The following MAPT variants were observed in gnomAD, a reference collection of about 807,000 sequenced individuals.
MAPT encodes the protein microtubule-associated protein tau.
A neutral mutation model predicts 67.9 loss-of-function variants in MAPT; 34 were observed. That is an observed-to-expected ratio of 0.50 (90% CI 0.38 to 0.67). The LOEUF is 0.67. MAPT is among the 30% of genes least tolerant of loss of function. MAPT has a pLI of 0.00. For synonymous variants in MAPT, 456 were observed against 464.5 expected (o/e 0.98, Z 0.23); for missense variants, 881 against 1,115.2 (o/e 0.79, Z 2.99).
At chr17:45,925,904 A>G (rs555304242) in intron 1 of MAPT, among the ~76,000 whole-genome samples, 3 of 152,290 alleles carry the variant, frequency 2.0e-5, no homozygotes, top group African/African-American at 4.8e-5. Flanking sequence ...TTTAAGTTTA[A>G]AATTGGAGCT....
chr17:45,916,617 C>T (rs983722918), intron 1 of MAPT, among the ~76,000 whole-genome samples: 2 of 152,168 alleles, frequency 1.3e-5, no homozygotes, highest in Non-Finnish European at 2.9e-5. Flanking sequence ...TGTGTGACAG[C>T]CTTCAGTGGA....
intron 3 of MAPT, chr17:45,973,975 C>G (rs2072018600): frequency 5.1e-6 from 1 of 197,392 alleles, no homozygotes; most frequent in African/African-American, 2.3e-5. Context: ...AGGACTTGCC[C>G]AAAGCCTCAC....
intron 1 of MAPT, among the ~76,000 whole-genome samples, chr17:45,950,930 T>G (rs934283458): frequency 1.3e-5 from 2 of 152,224 alleles, no homozygotes; most frequent in African/African-American, 4.8e-5. Context: ...CCGGAAGTGC[T>G]GGGATTTCAG....
chr17:45,913,013 G>A (rs1317299314), intron 1 of MAPT, among the ~76,000 whole-genome samples: 1 of 152,248 alleles, frequency 6.6e-6, no homozygotes, highest in East Asian at 1.9e-4. Flanking sequence ...CTACAAAACA[G>A]AAGCTATGTG....
intron 1 of MAPT, among the ~76,000 whole-genome samples, chr17:45,905,122 G>T (rs1370369531): frequency 6.6e-6 from 1 of 152,158 alleles, no homozygotes; most frequent in East Asian, 1.9e-4. Flanking sequence ...CTCTGCTGCT[G>T]GTCCCCATGA....
intron 4 of MAPT, 121 bp from the exon 5 acceptor site, chr17:45,982,745 T>C: frequency 3.1e-6 from 1 of 320,124 alleles, no homozygotes; most frequent in Non-Finnish European, 4.7e-6. Flanking sequence ...TGTGCTCCCA[T>C]CTCTTTGTTA....
In MAPT at chr17:45,973,173, C is replaced by T. The variant is rs942500714; in HGVS notation, c.220+1228C>T. 3 of 152,164 alleles carry T rather than the reference C, an allele frequency of 2.0e-5. No individual in the cohort carries two copies. In the South Asian group the frequency reaches 6.2e-4, roughly 32 times the overall value. 9.4% of individuals were successfully genotyped at this position (152,164 alleles called of 1,614,324 possible). A position where few individuals can be genotyped will look rare whatever the true frequency, so the allele number is the denominator to read the frequency against. On this transcript the variant is annotated intron_variant, in intron 3 of 12. Coordinates refer to ENST00000262410, the MANE Select transcript of MAPT (RefSeq NM_001377265.1). ...ATTTGGAAAATGGCTGTCAAGTGCC[C>T]GCCTCTTGCTTGGTATAATGCTACA...
chr17:45,938,219 G>A (rs922277665), intron 1 of MAPT, among the ~76,000 whole-genome samples: 2 of 152,232 alleles, frequency 1.3e-5, no homozygotes, highest in Admixed American at 6.5e-5. Flanking sequence ...CTGAAATCAA[G>A]GTTTTGGCAA....
chr17:46,001,179 T>C (rs1193770384), intron 9 of MAPT, among the ~76,000 whole-genome samples: 2 of 151,990 alleles, frequency 1.3e-5, no homozygotes, highest in Admixed American at 6.6e-5. Context: ...CAATGAGCCA[T>C]GTTCACACCA....
chr17:45,953,404 T>C (rs2069282730), intron 1 of MAPT, among the ~76,000 whole-genome samples: 1 of 152,224 alleles, frequency 6.6e-6, no homozygotes, highest in African/African-American at 2.4e-5. Flanking sequence ...GCCAATGCAG[T>C]GCAGTGACTC....
Position 46,024,732 on chromosome 17 carries a change from G to T in MAPT, c.*561G>T, listed in dbSNP as rs892029960. ...GGGAGGCCGAGGCAGGGGCTGGGCA[G>T]AGGGGAGAGGAAGCACAAGAAGTGG... On this transcript the variant is annotated 3_prime_UTR_variant, in exon 13 of 13. Transcript: ENST00000262410. The T allele has an allele frequency of 3.7e-5, 7 of 188,868 alleles. No individual in the cohort carries two copies. In the Admixed American group the frequency reaches 3.7e-4, roughly 10 times the overall value. The allele number at this position is 188,868 out of a possible 1,614,324, so 11.7% of individuals were successfully genotyped here.
At chr17:45,894,849 C>T (rs1288319943) in intron 1 of MAPT, 163 bp downstream of exon 1, 1 of 152,000 alleles carries the variant, frequency 6.6e-6, no homozygotes, top group African/African-American at 2.4e-5. Context: ...GGGCTGGGGC[C>T]AGGGCGGCCT....
chr17:45,974,626 G>C (rs2072125071), intron 3 of MAPT: 3 of 644,326 alleles, frequency 4.7e-6, no homozygotes, highest in Middle Eastern at 4.2e-4. Flanking sequence ...GTTGTGAGTA[G>C]CTCGATGCCT....
chr17:45,941,701 G>GCCTTCCTTCCTTCCTGCCTT (rs1555690435), intron 1 of MAPT, among the ~76,000 whole-genome samples: 1 of 73,466 alleles, frequency 1.4e-5, no homozygotes, highest in African/African-American at 6.5e-5. Flanking sequence ...CTTCCTTCCT[G>GCCTTCCTTCCTTCCTGCCTT]CCTGCCTTCC....
intron 10 of MAPT, among the ~76,000 whole-genome samples, chr17:46,013,266 C>T (rs554284761): frequency 2.0e-4 from 30 of 152,304 alleles, no homozygotes; most frequent in Middle Eastern, 6.8e-3. Context: ...GCCCTGGGGA[C>T]TCCAGGAATG....
chr17:45,996,325 G>A lies in MAPT; in HGVS notation c.1733-74G>A, dbSNP rs552326322. ...GGTGAGCCTGGGAATGGACCCACGG[G>A]ACAGGCAGCCCCCAGGGCCTTTTCT... On this transcript the variant is annotated intron_variant, in intron 8 of 12. Transcript: ENST00000262410. The surrounding 1 kb of genome is among the most constrained non-coding windows in gnomAD (Gnocchi z 4.5). The A allele has an allele frequency of 3.9e-6, 6 of 1,548,926 alleles. No homozygotes were observed. The East Asian group carries it at 1.1e-4, about 29-fold the overall frequency.
intron 1 of MAPT, among the ~76,000 whole-genome samples, chr17:45,925,805 T>G (rs988608730): frequency 6.6e-6 from 1 of 152,226 alleles, no homozygotes; most frequent in African/African-American, 2.4e-5. Flanking sequence ...TCTCTGGTGG[T>G]AGGATTATGA....
chr17:45,987,158 G>A (rs2073633384), intron 6 of MAPT, 63 bp downstream of exon 6: 1 of 1,448,046 alleles, frequency 6.9e-7, no homozygotes, highest in African/African-American at 1.4e-5. Flanking sequence ...TGTGCTTTAT[G>A]TCTGATTCAT....
chr17:45,941,057 A>G (rs2067804426), intron 1 of MAPT, among the ~76,000 whole-genome samples: 1 of 152,142 alleles, frequency 6.6e-6, no homozygotes, highest in Admixed American at 6.5e-5. Flanking sequence ...TCCTTGTTCT[A>G]GCCAGCCAGA....
Sources: gnomAD v4.1 joint callset for allele counts (sites outside exome capture counted in the v4.1 genomes callset) on GRCh38, gnomAD v4.1.1 for gene constraint, Gnocchi (gnomAD v3.1) non-coding constraint, MANE v1.5 for transcripts, NCBI Gene and HGNC (gene_info 2026-07-23, HGNC 2026-07-21) for gene names.